Variants in IMPDH1 observed in about 807,000 individuals in gnomAD.
IMPDH1 encodes inosine-5'-monophosphate dehydrogenase 1.
A neutral mutation model predicts 73.5 loss-of-function variants in IMPDH1; 41 were observed. The observed-to-expected ratio is 0.56, with a 90% CI of 0.43 to 0.72. IMPDH1 has a LOEUF of 0.72. Among genes scored for constraint, IMPDH1 ranks in the 30% least tolerant of loss-of-function variants. The pLI is 0.00. For missense variants in IMPDH1, 645 were observed against 824.8 expected, an observed-to-expected ratio of 0.78 and a Z score of 2.67; for synonymous variants, 318 against 334.3, an observed-to-expected ratio of 0.95 and a Z score of 0.53.
At chr7:128,397,765 C>A (rs1372967629) in intron 10 of IMPDH1, among the ~76,000 whole-genome samples, 2 of 151,888 alleles carry the variant, frequency 1.3e-5, no homozygotes, top group Non-Finnish European at 2.9e-5. Flanking sequence ...TCAGTGGGTA[C>A]ATGTGCTTGT....
At chr7:128,393,772 T>C (rs1797704208) in intron 16 of IMPDH1, 1 of 250,566 alleles carries the variant, frequency 4.0e-6, no homozygotes. Context: ...AGACACAGGT[T>C]AGACGCCCGC....
Position 128,400,114 on chromosome 7 carries a change from G to A in IMPDH1, c.855C>T (p.Ile285=), listed in dbSNP as rs548481951. Residue 285 remains isoleucine, a synonymous_variant, in exon 9 of 17, where the codon ATC becomes ATT. Coordinates refer to ENST00000338791, the MANE Select transcript of IMPDH1 (RefSeq NM_000883.4). ...AGVTLKEANE[I]LQRSKKGKLP... Reference sequence around the variant, plus strand: ...TGGTACCTTTCTTGCTACGCTGCAGGATCTCATTTGCCTCTTTCAACGTCA... The same window carrying A: ...TGGTACCTTTCTTGCTACGCTGCAGAATCTCATTTGCCTCTTTCAACGTCA... The A allele has an allele frequency of 6.2e-7, 1 of 1,613,270 alleles. No homozygotes were observed. The highest frequency in any genetic ancestry group is 8.5e-7 in the Non-Finnish European group (1 of 1,179,732).
Position 128,396,879 on chromosome 7 carries a change from G to T in IMPDH1, c.1165+53C>A. 7.4e-7 allele frequency: 1 copy of T among 1,345,840 alleles called. No homozygotes were observed. Among genetic ancestry groups the T allele is most frequent in the Non-Finnish European group, 1.1e-6 (1 of 935,848 alleles). The allele number at this position is 1,345,840 out of a possible 1,614,324, so 83.4% of individuals were successfully genotyped here. ...TAGGGATGCTGAAGGACAGAAAAGG[G>T]TTACTCATTGGAGGGGCAGGAGCAG... On this transcript the variant is annotated intron_variant, in intron 11 of 16. Coordinates refer to ENST00000338791, the MANE Select transcript of IMPDH1 (RefSeq NM_000883.4). This position sits in a 1 kb window ranked among gnomAD's most constrained non-coding sequence, Gnocchi z 4.0.
chr7:128,395,543 A>G (rs1236241502), intron 12 of IMPDH1, among the ~76,000 whole-genome samples: 1 of 152,236 alleles, frequency 6.6e-6, no homozygotes, highest in African/African-American at 2.4e-5. Flanking sequence ...CAATGCCCCC[A>G]GACAGGTGGC....
At position 128,395,132 on chromosome 7, in the gene IMPDH1, T is replaced by C. The variant is rs759142009; in HGVS notation, c.1404A>G (p.Thr468=). Residue 468 remains threonine, a splice_region_variant and synonymous_variant, in exon 13 of 17, where the codon ACA becomes ACG. Coordinates refer to ENST00000338791, the MANE Select transcript of IMPDH1 (RefSeq NM_000883.4). ...ATCCCCAGCACATTCTCCCCTCACC[T>C]GTGGAGGCTCCAAGGGCCAGGGCCT... ...VVKALALGAS[T]VMMGSLLAAT... 2 of 1,614,012 alleles carry C rather than the reference T, an allele frequency of 1.2e-6. No homozygotes were observed. The highest frequency in any genetic ancestry group is 1.7e-6 in the Non-Finnish European group (2 of 1,180,034).
At chr7:128,404,810 A>G (rs1208424190) in intron 4 of IMPDH1, among the ~76,000 whole-genome samples, 1 of 152,212 alleles carries the variant, frequency 6.6e-6, no homozygotes, top group African/African-American at 2.4e-5. Flanking sequence ...CTTCTTCTGT[A>G]TAGCAAAGAG....
rs1797832980 is a variant in IMPDH1, at chr7:128,395,245, C to A, written c.1291G>T (p.Ala431Ser). The A allele has an allele frequency of 1.2e-6, 2 of 1,613,596 alleles. No homozygotes were observed. Among genetic ancestry groups the A allele is most frequent in the Non-Finnish European group, 1.7e-6 (2 of 1,180,056 alleles). The change falls in exon 13 of 17, where the codon GCT becomes TCT. Residue 431 changes from alanine to serine, a missense_variant. Coordinates refer to ENST00000338791, the MANE Select transcript of IMPDH1 (RefSeq NM_000883.4). ...GCATACTCAGCCACCTTGTACACAGCAGTGCCCTGGGGCCGACCACAGGCC... is the reference window on the plus strand; with the variant it reads ...GCATACTCAGCCACCTTGTACACAGAAGTGCCCTGGGGCCGACCACAGGCC... ...VMACGRPQGT[A>S]VYKVAEYARR... is the part of the protein sequence containing the mutation.
rs886061983 is a variant in IMPDH1 at position 128,392,902 on chromosome 7, A to T, written c.*105T>A. On this transcript the variant is annotated 3_prime_UTR_variant, in exon 17 of 17. Coordinates refer to ENST00000338791, the MANE Select transcript of IMPDH1 (RefSeq NM_000883.4). The stretch of plus-strand genomic sequence containing the variant: ...TCTCTGCCTGGAAAGGAGCTGGAGA[A>T]CCCGTAGTGCAAATCTGTGGACCAC... 1.8e-6 allele frequency: 2 copies of T among 1,127,142 alleles called. No homozygotes were observed. Among genetic ancestry groups the T allele is most frequent in the Non-Finnish European group, 2.7e-6 (2 of 741,256 alleles). 69.8% of individuals were successfully genotyped at this position (1,127,142 alleles called of 1,614,324 possible).
chr7:128,405,809 G>A lies in IMPDH1; in HGVS notation c.311C>T (p.Thr104Ile). The A allele has an allele frequency of 6.5e-7, 1 of 1,543,528 alleles. No individual in the cohort carries two copies. The highest frequency in any genetic ancestry group is 1.2e-5 in the South Asian group (1 of 83,232). ...GTGYVPEDGL[T>I]AQQLFASADG... ...GGCGCTGGCGAAGAGCTGCTGCGCGGTGAGCCCATCCTCGGGCACGTAGCC... is the reference window on the plus strand; with the variant it reads ...GGCGCTGGCGAAGAGCTGCTGCGCGATGAGCCCATCCTCGGGCACGTAGCC... The change falls in exon 4 of 17, where the codon ACC becomes ATC. Residue 104 changes from threonine to isoleucine, a missense_variant. Physicochemically the swap from Thr to Ile is moderately conservative, Grantham distance 89. This residue lies in a region of IMPDH1 where 186 missense variants were observed against 186.6 expected (regional missense o/e 1.00). Transcript: ENST00000338791.
chr7:128,395,352 T>G, intron 12 of IMPDH1, 78 bp from the exon 13 acceptor site: 3 of 1,524,968 alleles, frequency 2.0e-6, no homozygotes, highest in Non-Finnish European at 2.7e-6. Context: ...AGCCCAGCTC[T>G]TCCTCCTGTG....
intron 6 of IMPDH1, 21 bp from the exon 7 acceptor site, chr7:128,400,912 G>A: frequency 6.2e-7 from 1 of 1,610,678 alleles, no homozygotes; most frequent in Non-Finnish European, 8.5e-7. Context: ...AGGGAAGTGT[G>A]GTCAGAGCCG....
chr7:128,405,867 T>A lies in IMPDH1; in HGVS notation c.255-2A>T, dbSNP rs1238921380. On this transcript the variant is annotated splice_acceptor_variant, in intron 3 of 16. Transcript: ENST00000338791. LOFTEE classifies it high-confidence loss of function. ...CCGCTGATCAGGTAGTCCGCCATGC[T>A]GCCGCGAGACCCCGCGACCCGACAT... is the stretch of plus-strand genomic sequence containing the variant. 1 of 1,523,126 alleles carries A rather than the reference T, an allele frequency of 6.6e-7. No individual in the cohort carries two copies. The highest frequency in any genetic ancestry group is 2.6e-5 in the East Asian group (1 of 38,084). 94.4% of individuals were successfully genotyped at this position (1,523,126 alleles called of 1,614,324 possible).
rs370988040 is a variant in IMPDH1, at chr7:128,398,458, G to A, written c.1030C>T (p.Arg344Cys). 1.5e-4 allele frequency: 247 copies of A among 1,613,464 alleles called. No homozygotes were observed. Among genetic ancestry groups the A allele is most frequent in the Non-Finnish European group, 1.9e-4 (226 of 1,179,836 alleles). ...CCCGCCTGGGTGAGCAGGTCCAGAC[G>A]GTATTTGTCATCCTCACGGGTGCCC... ...AVGTREDDKY[R>C]LDLLTQAGVD... The change falls in exon 10 of 17, where the codon CGT becomes TGT. Residue 344 changes from arginine to cysteine, a missense_variant. Arg to Cys is a radical substitution (Grantham distance 180). This residue lies in a region of IMPDH1 where 459 missense variants were observed against 638.2 expected (regional missense o/e 0.72). Coordinates refer to ENST00000338791, the MANE Select transcript of IMPDH1 (RefSeq NM_000883.4). This position sits in a 1 kb window ranked among gnomAD's most constrained non-coding sequence, Gnocchi z 4.3.
In IMPDH1 at chr7:128,409,904, G is replaced by A. The variant is rs944815984; in HGVS notation, c.-3C>T. 10 of 1,409,412 alleles carry A rather than the reference G, an allele frequency of 7.1e-6. No homozygotes were observed. The highest frequency in any genetic ancestry group is 9.2e-6 in the Non-Finnish European group (10 of 1,085,178). 87.3% of individuals were successfully genotyped at this position (1,409,412 alleles called of 1,614,324 possible). On this transcript the variant is annotated 5_prime_UTR_variant, in exon 1 of 17. Transcript: ENST00000338791. ...GGTGGAGTGAGTGGCCCCTCCATGC[G>A]GAGGCCGCAGCTCAGGGCGGGCGGG...
chr7:128,404,033 CAG>C (rs1245212448), intron 4 of IMPDH1, among the ~76,000 whole-genome samples: 2 of 152,232 alleles, frequency 1.3e-5, no homozygotes, highest in East Asian at 1.9e-4. Context: ...CTTTAAGTCT[CAG>C]AGTTTGTCAA....
At position 128,394,548 on chromosome 7, in the gene IMPDH1, GT is replaced by G; in HGVS notation, c.1601del (p.Asp534AlafsTer13). On this transcript the variant is annotated frameshift_variant, in exon 15 of 17. Coordinates refer to ENST00000338791, the MANE Select transcript of IMPDH1 (RefSeq NM_000883.4). LOFTEE classifies it high-confidence loss of function. The surrounding 1 kb of genome is among the most constrained non-coding windows in gnomAD (Gnocchi z 5.5). Reference sequence around the variant, plus strand: ...GCACGAACTTCTGAATGGATCCTTTGTCCTGGATGGAGCCCGAGACACCCTG... The same window carrying G: ...GCACGAACTTCTGAATGGATCCTTTGCCTGGATGGAGCCCGAGACACCCTG... ...IAQGVSGSIQ[D>X]KGSIQKFVPY... The G allele has an allele frequency of 6.2e-7, 1 of 1,613,932 alleles. No homozygotes were observed. Among genetic ancestry groups the G allele is most frequent in the Non-Finnish European group, 8.5e-7 (1 of 1,179,972 alleles).
At chr7:128,395,402 G>A (rs1797847134) in intron 12 of IMPDH1, 128 bp from the exon 13 acceptor site, 3 of 1,124,636 alleles carry the variant, frequency 2.7e-6, no homozygotes, top group Admixed American at 3.9e-5. Context: ...GCTGGATGGT[G>A]TGTCTGAGGC....
chr7:128,395,042 G>C lies in IMPDH1; in HGVS notation c.1406-9C>G. On this transcript the variant is annotated splice_polypyrimidine_tract_variant and intron_variant, in intron 13 of 16. Transcript: ENST00000338791. ...CAGGGAGCCCATCATCACTACAGTG[G>C]GCAAGGGATTAGTGCCTCCAGCCCA... The C allele has an allele frequency of 1.2e-6, 2 of 1,613,908 alleles. No homozygotes were observed. Among genetic ancestry groups the C allele is most frequent in the Non-Finnish European group, 1.7e-6 (2 of 1,180,030 alleles).
chr7:128,400,721 G>A, intron 7 of IMPDH1, 96 bp downstream of exon 7: 20 of 1,214,956 alleles, frequency 1.6e-5, no homozygotes, highest in South Asian at 3.6e-5. Flanking sequence ...GACACGCAGG[G>A]AGTGTAGCAG....
Sources: allele counts gnomAD v4.1 joint callset (sites outside exome capture counted in the v4.1 genomes callset), GRCh38; gene constraint gnomAD v4.1.1; regional missense constraint gnomAD v4.1.1; non-coding constraint Gnocchi (gnomAD v3.1); transcripts MANE v1.5; gene names NCBI Gene and HGNC (gene_info 2026-07-23, HGNC 2026-07-21).